The following MTUS2 variants were observed in gnomAD, a reference collection of about 807,000 sequenced individuals.
MTUS2 encodes the protein microtubule-associated tumor suppressor candidate 2.
MTUS2 carries 40 observed loss-of-function variants against 114.1 expected under a neutral mutation model. The ratio of observed to expected loss-of-function variants is 0.35; its 90% confidence interval spans 0.27 to 0.46. MTUS2 has a LOEUF of 0.46. Among genes scored for constraint, MTUS2 ranks in the 20% least tolerant of loss-of-function variants. The pLI, the probability that MTUS2 is intolerant of heterozygous loss-of-function variation, is 1.00. For missense variants in MTUS2, 1,679 were observed against 1,705.4 expected (o/e 0.98, Z 0.27); for synonymous variants, 688 against 672.0 (o/e 1.02, Z -0.37).
At chr13:29,181,509 AGCATTG>A (rs1166523198) in intron 5 of MTUS2, among the ~76,000 whole-genome samples, 2 of 152,196 alleles carry the variant, frequency 1.3e-5, no homozygotes, top group Non-Finnish European at 2.9e-5. Context: ...TAGTAGGCAA[AGCATTG>A]CCATTTTTAA....
chr13:29,410,903 C>T (rs1396613461), intron 8 of MTUS2, among the ~76,000 whole-genome samples: 1 of 152,182 alleles, frequency 6.6e-6, no homozygotes, highest in East Asian at 1.9e-4. Context: ...ACGATCTCGG[C>T]TCACTGCAGC....
At chr13:28,956,803 G>T (rs970553403) in intron 2 of MTUS2, among the ~76,000 whole-genome samples, 3 of 151,102 alleles carry the variant, frequency 2.0e-5, no homozygotes, top group Admixed American at 1.3e-4. Context: ...CTAGAGATGG[G>T]TGAGCTGGCG....
intron 2 of MTUS2, among the ~76,000 whole-genome samples, chr13:28,908,686 T>A (rs915039758): frequency 2.0e-5 from 3 of 151,526 alleles, no homozygotes; most frequent in Admixed American, 6.6e-5. Context: ...CAAATGGTAT[T>A]TCTAGTTCTA....
At chr13:29,226,143 C>A (rs1360323175) in intron 5 of MTUS2, among the ~76,000 whole-genome samples, 1 of 152,154 alleles carries the variant, frequency 6.6e-6, no homozygotes, top group Non-Finnish European at 1.5e-5. Context: ...CAGCCTCCCC[C>A]AGATTAAAAA....
At position 29,026,777 on chromosome 13, in the gene MTUS2, C is replaced by T; in HGVS notation, c.2079C>T (p.Ala693=). ...CAGGTGGTGACCTGAAGCCATCTGC[C>T]AACCTCTATGAGAAATTCAAGCCAG... is the stretch of plus-strand genomic sequence containing the variant. ...KAAGGDLKPS[A]NLYEKFKPDL... Residue 693 remains alanine (A), a synonymous_variant, in exon 3 of 16, where the codon GCC becomes GCT. Transcript: ENST00000612955. The T allele has an allele frequency of 6.2e-7, 1 of 1,613,782 alleles. No individual in the cohort carries two copies. Among genetic ancestry groups the T allele is most frequent in the Non-Finnish European group, 8.5e-7 (1 of 1,179,890 alleles).
intron 12 of MTUS2, 73 bp downstream of exon 12, chr13:29,492,792 C>T: frequency 1.8e-6 from 2 of 1,141,382 alleles, no homozygotes; most frequent in Non-Finnish European, 2.6e-6. Context: ...CACAAACATT[C>T]ATTCAGCACC....
chr13:29,399,684 A>C (rs1181721623), intron 8 of MTUS2, among the ~76,000 whole-genome samples: 2 of 152,218 alleles, frequency 1.3e-5, no homozygotes, highest in African/African-American at 2.4e-5. Flanking sequence ...GATAGAATGA[A>C]GTGGGCCAAC....
chr13:28,963,682 AAAGAGTTGTCTGTGGACG>A lies in MTUS2; in HGVS notation c.-242-60774_-242-60757del, dbSNP rs142335285. 9.5e-3 allele frequency among the ~76,000 whole-genome samples: 1,445 copies of A among 152,274 alleles called. 33 individuals are homozygous for A. Among genetic ancestry groups the A allele is most frequent in the African/African-American group, 0.033 (1,366 of 41,556 alleles). ...GTCCCCTATGCAGAAGCACTTTTTG[AAAGAGTTGTCTGTGGACG>A]CTTTCTTACCTTCTCCTCATTCCAC... On this transcript the variant is annotated intron_variant, in intron 2 of 15. Coordinates refer to ENST00000612955, the MANE Select transcript of MTUS2 (RefSeq NM_001033602.4).
intron 5 of MTUS2, among the ~76,000 whole-genome samples, chr13:29,212,307 T>C (rs1027192287): frequency 2.0e-5 from 3 of 152,086 alleles, no homozygotes; most frequent in Non-Finnish European, 4.4e-5. Context: ...TTGGAGAACA[T>C]ACTTTGGATG....
At position 29,279,081 on chromosome 13, in the gene MTUS2, T is replaced by C. The variant is rs1253020775; in HGVS notation, c.2645-2623T>C. Among the ~76,000 whole-genome samples the C allele has an allele frequency of 2.0e-5, 3 of 152,216 alleles. No individual in the cohort carries two copies. The East Asian group carries it at 5.8e-4, about 29-fold the overall frequency. On this transcript the variant is annotated intron_variant, in intron 5 of 15. Coordinates refer to ENST00000612955, the MANE Select transcript of MTUS2 (RefSeq NM_001033602.4). The stretch of plus-strand genomic sequence containing the variant: ...ACTAAGTATTTTTTCATAGCAACTC[T>C]TACATTAACTTTTTAAAAAATTTCC...
At chr13:29,324,035 C>T (rs1593302631) in intron 6 of MTUS2, among the ~76,000 whole-genome samples, 1 of 152,186 alleles carries the variant, frequency 6.6e-6, no homozygotes, top group East Asian at 1.9e-4. Flanking sequence ...GGAGCGTCCA[C>T]ATGCTTTTGC....
intron 5 of MTUS2, among the ~76,000 whole-genome samples, chr13:29,248,433 C>T (rs1281542761): frequency 6.6e-6 from 1 of 151,840 alleles, no homozygotes; most frequent in Admixed American, 6.6e-5. Flanking sequence ...TATACGATAC[C>T]CTGTAATTTT....
rs544507046 is a variant in MTUS2, at chr13:29,024,910, G to A, written c.212G>A (p.Arg71His). ...GNTNSSEPENRTHFHKEFHQL... is the reference protein window; with the variant it reads ...GNTNSSEPENHTHFHKEFHQL... ...ACAAATTCAAGTGAGCCAGAAAACC[G>A]TACCCATTTCCATAAGGAATTTCAC... Residue 71 changes from arginine to histidine, a missense_variant, in exon 3 of 16, where the codon CGT (arginine) becomes CAT (histidine). Physicochemically the swap from Arg to His is conservative, Grantham distance 29. Transcript: ENST00000612955. 1.0e-4 allele frequency: 163 copies of A among 1,613,810 alleles called. 2 individuals are homozygous for A. In the South Asian group the frequency reaches 1.5e-3, roughly 15 times the overall value.
chr13:28,954,891 C>G (rs1328150550), intron 2 of MTUS2, among the ~76,000 whole-genome samples: 1 of 152,078 alleles, frequency 6.6e-6, no homozygotes. Flanking sequence ...TCAGAAGTCT[C>G]TTCATAACCA....
intron 2 of MTUS2, among the ~76,000 whole-genome samples, chr13:29,013,546 T>C (rs143052171): frequency 1.3e-5 from 2 of 152,244 alleles, no homozygotes; most frequent in Non-Finnish European, 2.9e-5. Context: ...ATCATTTTTT[T>C]AGAGCAAACA....
chr13:29,488,423 CT>C (rs202158448), intron 11 of MTUS2, among the ~76,000 whole-genome samples: 56 of 140,958 alleles, frequency 4.0e-4, no homozygotes, highest in African/African-American at 9.4e-4. Context: ...AAATCGTGCA[CT>C]TTTTTTTTTC....
At chr13:28,840,090 T>C (rs1875371598) in intron 2 of MTUS2, among the ~76,000 whole-genome samples, 2 of 151,752 alleles carry the variant, frequency 1.3e-5, no homozygotes, top group Admixed American at 1.3e-4. Flanking sequence ...TCAAGTAACG[T>C]GTTAGTGATT....
Position 29,025,655 on chromosome 13 carries a change from A to T in MTUS2, c.957A>T (p.Arg319Ser). The part of the protein sequence containing the change: ...KLDLKYVPPR[R>S]VEQEGKAAQE... Reference sequence around the variant, plus strand: ...ATCTGAAATATGTTCCTCCCAGGAGAGTTGAACAGGAGGGAAAGGCAGCCC... The same window carrying T: ...ATCTGAAATATGTTCCTCCCAGGAGTGTTGAACAGGAGGGAAAGGCAGCCC... The change falls in exon 3 of 16, where the codon AGA becomes AGT. Residue 319 changes from arginine (R) to serine (S), a missense_variant. Coordinates refer to ENST00000612955, the MANE Select transcript of MTUS2 (RefSeq NM_001033602.4). 3.7e-6 allele frequency: 6 copies of T among 1,614,012 alleles called. No homozygotes were observed. The highest frequency in any genetic ancestry group is 5.1e-6 in the Non-Finnish European group (6 of 1,179,892).
At chr13:29,132,813 TGG>T (rs1337977080) in intron 5 of MTUS2, among the ~76,000 whole-genome samples, 1 of 152,212 alleles carries the variant, frequency 6.6e-6, no homozygotes, top group Non-Finnish European at 1.5e-5. Flanking sequence ...ACTGTGAACC[TGG>T]GGGTACAAAT....
Sources: allele counts gnomAD v4.1 joint callset (sites outside exome capture counted in the v4.1 genomes callset), GRCh38; gene constraint gnomAD v4.1.1; transcripts MANE v1.5; gene names NCBI Gene and HGNC (gene_info 2026-07-23, HGNC 2026-07-21).